Variants in ANO6 observed in about 807,000 individuals in gnomAD.
ANO6 encodes anoctamin 6.
Under a neutral mutation model 117.5 loss-of-function variants are expected in ANO6, and 106 were observed. That is an observed-to-expected ratio of 0.90 (90% confidence interval 0.77 to 1.06). ANO6 has a LOEUF of 1.06. ANO6 is among the 50% of genes least tolerant of loss of function. The pLI is 0.00. For synonymous variants in ANO6, 367 were observed against 385.1 expected, an observed-to-expected ratio of 0.95 and a Z score of 0.55; for missense variants, 955 against 1,121.1, an observed-to-expected ratio of 0.85 and a Z score of 2.12.
chr12:45,264,899 C>T (rs1394958253), intron 1 of ANO6, among the ~76,000 whole-genome samples: 23 of 152,156 alleles, frequency 1.5e-4, no homozygotes, highest in Admixed American at 1.5e-3. Context: ...AGGCTGTGAG[C>T]TCCAATATCA....
chr12:45,244,830 G>A (rs1193493960), intron 1 of ANO6, among the ~76,000 whole-genome samples: 1 of 152,186 alleles, frequency 6.6e-6, no homozygotes. Flanking sequence ...GAATGTGTGC[G>A]TGTTTAAACA....
downstream of ANO6, among the ~76,000 whole-genome samples, chr12:45,435,054 G>A (rs1459144254): frequency 6.6e-6 from 1 of 152,128 alleles, no homozygotes; most frequent in Admixed American, 6.5e-5. Context: ...ATCATCTCTT[G>A]AAGCTCTATT....
intron 1 of ANO6, among the ~76,000 whole-genome samples, chr12:45,241,316 A>G (rs1395766971): frequency 6.6e-6 from 1 of 152,090 alleles, no homozygotes; most frequent in African/African-American, 2.4e-5. Context: ...TCAATCACTG[A>G]TATCATTTCT....
intron 1 of ANO6, among the ~76,000 whole-genome samples, chr12:45,292,436 A>G (rs1037191992): frequency 1.3e-5 from 2 of 152,214 alleles, no homozygotes; most frequent in African/African-American, 4.8e-5. Context: ...ACTGAATTAT[A>G]TATTTTAAAT....
chr12:45,216,735 C>G (rs1273262626), intron 1 of ANO6, among the ~76,000 whole-genome samples: 1 of 152,226 alleles, frequency 6.6e-6, no homozygotes, highest in African/African-American at 2.4e-5. Flanking sequence ...TCGCAGAGTG[C>G]TAGGGTTGCC....
At chr12:45,418,557 A>C (rs1943272606) in intron 17 of ANO6, among the ~76,000 whole-genome samples, 1 of 152,228 alleles carries the variant, frequency 6.6e-6, no homozygotes, top group South Asian at 2.1e-4. Context: ...ACAAAGTTTG[A>C]AACTAAAAGG....
chr12:45,289,110 T>G (rs933178436), intron 1 of ANO6, among the ~76,000 whole-genome samples: 11 of 151,828 alleles, frequency 7.2e-5, no homozygotes, highest in Non-Finnish European at 1.6e-4. Context: ...AATCAAGTAT[T>G]TCCTAGTAGA....
chr12:45,317,044 A>G (rs1307688916), intron 2 of ANO6, among the ~76,000 whole-genome samples: 2 of 144,546 alleles, frequency 1.4e-5, no homozygotes. Context: ...CTAAAACAGT[A>G]AGAAGGGTAT....
At chr12:45,284,902 A>G (rs1938858036) in intron 1 of ANO6, among the ~76,000 whole-genome samples, 1 of 152,198 alleles carries the variant, frequency 6.6e-6, no homozygotes, top group African/African-American at 2.4e-5. Context: ...AAGCCTCAGG[A>G]TTATTACTCC....
intron 1 of ANO6, among the ~76,000 whole-genome samples, chr12:45,236,389 AC>A (rs1947645806): frequency 1.3e-5 from 2 of 152,058 alleles, no homozygotes; most frequent in African/African-American, 4.8e-5. Context: ...GCAGCCCCCC[AC>A]CTTCTAATAG....
chr12:45,347,956 G>GA (rs1365059089), intron 4 of ANO6, 72 bp from the exon 5 acceptor site: 18 of 1,470,816 alleles, frequency 1.2e-5, no homozygotes, highest in Non-Finnish European at 1.7e-5. Flanking sequence ...AACAACATAA[G>GA]AAAAATCTAT....
At chr12:45,246,239 A>G (rs1947823524) in intron 1 of ANO6, among the ~76,000 whole-genome samples, 1 of 152,228 alleles carries the variant, frequency 6.6e-6, no homozygotes, top group African/African-American at 2.4e-5. Context: ...TATGATAAAT[A>G]GTTCTGATTA....
At chr12:45,334,759 G>T (rs1940776192) in intron 3 of ANO6, among the ~76,000 whole-genome samples, 1 of 152,008 alleles carries the variant, frequency 6.6e-6, no homozygotes, top group African/African-American at 2.4e-5. Context: ...CACAGTAGAT[G>T]ATTAAATATA....
intron 1 of ANO6, among the ~76,000 whole-genome samples, chr12:45,224,520 T>C (rs1384287922): frequency 6.6e-6 from 1 of 152,188 alleles, no homozygotes. Context: ...AGAATAGTCT[T>C]GCTTCTTTTT....
rs59216107 is a variant in ANO6 at position 45,219,503 on chromosome 12, A to ATT, written c.70+3133_70+3134dup. ...GGCCTTGTGACACCATGCCTGGCCA[A>ATT]TTTTTTTTTTTTTTTTTTTTTTGGT... On this transcript the variant is annotated intron_variant, in intron 1 of 19. Coordinates refer to ENST00000320560, the MANE Select transcript of ANO6 (RefSeq NM_001025356.3). 8.4e-3 allele frequency among the ~76,000 whole-genome samples: 1,000 copies of ATT among 119,622 alleles called. 14 individuals are homozygous for ATT. Among genetic ancestry groups the ATT allele is most frequent in the Admixed American group, 0.012 (134 of 11,244 alleles). The allele number at this position is 119,622 out of a possible 152,430, so 78.5% of individuals were successfully genotyped here.
chr12:45,328,898 T>C (rs927816146), intron 2 of ANO6, among the ~76,000 whole-genome samples: 1 of 152,196 alleles, frequency 6.6e-6, no homozygotes, highest in Non-Finnish European at 1.5e-5. Context: ...TTTCGTAGTG[T>C]AATTCTTCAA....
chr12:45,426,504 C>A (rs986733979), intron 19 of ANO6, among the ~76,000 whole-genome samples: 1 of 152,120 alleles, frequency 6.6e-6, no homozygotes, highest in African/African-American at 2.4e-5. Context: ...CATGCTTTCA[C>A]CCCCTCCACT....
chr12:45,330,914 C>T (rs1338494500), intron 2 of ANO6, among the ~76,000 whole-genome samples: 1 of 151,848 alleles, frequency 6.6e-6, no homozygotes, highest in Non-Finnish European at 1.5e-5. Flanking sequence ...AGTGCTTTGT[C>T]TTAGATTTTT....
At chr12:45,351,175 A>G (rs1941270894) in intron 7 of ANO6, among the ~76,000 whole-genome samples, 1 of 152,184 alleles carries the variant, frequency 6.6e-6, no homozygotes, top group Admixed American at 6.5e-5. Flanking sequence ...AGGCACTCCT[A>G]TCTCTCAGGA....
Sources: allele counts gnomAD v4.1 joint callset (sites outside exome capture counted in the v4.1 genomes callset), GRCh38; gene constraint gnomAD v4.1.1; transcripts MANE v1.5; gene names NCBI Gene and HGNC (gene_info 2026-07-23, HGNC 2026-07-21).